Variants in ANO4 observed in about 807,000 individuals in gnomAD.
ANO4 encodes anoctamin-4.
Under a neutral mutation model 141.9 loss-of-function variants are expected in ANO4, and 69 were observed. The observed-to-expected ratio is 0.49, with a 90% CI of 0.40 to 0.59. ANO4 has a LOEUF of 0.59. ANO4 is among the 20% of genes least tolerant of loss of function. The pLI is 0.00. For synonymous variants in ANO4, 350 were observed against 394.3 expected (o/e 0.89, Z 1.33); for missense variants, 894 against 1,162.2 (o/e 0.77, Z 3.36).
intron 1 of ANO4, among the ~76,000 whole-genome samples, chr12:100,862,208 G>A (rs1292540817): frequency 2.0e-5 from 3 of 152,086 alleles, no homozygotes; most frequent in Non-Finnish European, 4.4e-5. Flanking sequence ...GGAACTATAG[G>A]CATGTGCCAC....
rs553776959 is a variant in ANO4, at chr12:100,824,037, AT to A, written c.-141+29015del. The stretch of plus-strand genomic sequence containing the variant: ...TAATCCCTTCTAATGTTGCTTGAGC[AT>A]TTTTCTGGATATGAGTGGGCAGATG... On this transcript the variant is annotated intron_variant, in intron 1 of 27. Coordinates refer to ENST00000392977, the MANE Select transcript of ANO4 (RefSeq NM_001286615.2). Among the ~76,000 whole-genome samples, 872 of 152,160 alleles carry A rather than the reference AT, an allele frequency of 5.7e-3. 9 individuals are homozygous for A. The highest frequency in any genetic ancestry group is 0.01 in the Non-Finnish European group (690 of 67,958).
chr12:101,068,607 A>T, intron 14 of ANO4: 2 of 1,421,242 alleles, frequency 1.4e-6, no homozygotes, highest in Admixed American at 3.4e-5. Context: ...GTGCTGATGC[A>T]GTCCTTTTTA....
chr12:100,765,829 A>G (rs894919127), intron 3 of ANO4, among the ~76,000 whole-genome samples: 15 of 151,620 alleles, frequency 9.9e-5, no homozygotes, highest in African/African-American at 2.4e-4. Context: ...GAAGGATTAA[A>G]TCAAGCTAAT....
intron 1 of ANO4, among the ~76,000 whole-genome samples, chr12:100,895,497 T>G (rs2040304645): frequency 6.6e-6 from 1 of 151,934 alleles, no homozygotes; most frequent in Admixed American, 6.5e-5. Context: ...AATTTTCACT[T>G]TTTCGGTAGG....
At chr12:101,035,733 T>G (rs776792253) in intron 9 of ANO4, among the ~76,000 whole-genome samples, 29 of 152,164 alleles carry the variant, frequency 1.9e-4, no homozygotes, top group Non-Finnish European at 3.4e-4. Flanking sequence ...GCCATTATCC[T>G]AGGTGAATTA....
intron 3 of ANO4, among the ~76,000 whole-genome samples, chr12:100,785,399 C>G (rs1361316385): frequency 6.6e-6 from 1 of 152,184 alleles, no homozygotes; most frequent in African/African-American, 2.4e-5. Flanking sequence ...TCTGCCTGTT[C>G]ATCCCTCCTT....
At chr12:100,771,112 T>C (rs1388057231) in intron 3 of ANO4, among the ~76,000 whole-genome samples, 1 of 152,174 alleles carries the variant, frequency 6.6e-6, no homozygotes, top group Non-Finnish European at 1.5e-5. Context: ...ACTGTCATAT[T>C]GAAGAGGAAC....
In ANO4 at chr12:101,096,542, C is replaced by G. The variant is rs759528727; in HGVS notation, c.1745C>G (p.Pro582Arg). 9 of 1,613,206 alleles carry G rather than the reference C, an allele frequency of 5.6e-6. No individual in the cohort carries two copies. Among genetic ancestry groups the G allele is most frequent in the Non-Finnish European group, 7.6e-6 (9 of 1,179,344 alleles). ...VALLLTNLEQ[P>R]RTESEWENSF... is the part of the protein sequence containing the mutation. ...GCTCACCTTTTGTCCACAGAACAGC[C>G]TCGCACAGAGTCTGAGTGGGAGAAC... Residue 582 changes from proline (P) to arginine (R), a missense_variant, in exon 19 of 28, where the codon CCT (proline) becomes CGT (arginine). Pro to Arg is a moderately radical substitution (Grantham distance 103). Transcript: ENST00000392977.
At chr12:101,098,750 A>G (rs2050079402) in intron 21 of ANO4, among the ~76,000 whole-genome samples, 1 of 152,240 alleles carries the variant, frequency 6.6e-6, no homozygotes, top group Non-Finnish European at 1.5e-5. Flanking sequence ...CACAATTAAA[A>G]TGTCATAGAC....
chr12:100,839,200 T>C (rs918810352), intron 1 of ANO4, among the ~76,000 whole-genome samples: 2 of 152,180 alleles, frequency 1.3e-5, no homozygotes, highest in East Asian at 1.9e-4. Context: ...TTGCTTTTGA[T>C]TGTGGATTTG....
rs115228092 is a variant in ANO4, at chr12:100,949,626, C to A, written c.456+7091C>A. On this transcript the variant is annotated intron_variant, in intron 5 of 27. Coordinates refer to ENST00000392977, the MANE Select transcript of ANO4 (RefSeq NM_001286615.2). ...CAAGGTAAACTTTAAGAAAAATTTT[C>A]ATCCAGTTTACAAATTCTTTATAAC... 6.3e-3 allele frequency among the ~76,000 whole-genome samples: 965 copies of A among 152,276 alleles called. 12 individuals are homozygous for A. The highest frequency in any genetic ancestry group is 0.022 in the African/African-American group (916 of 41,550).
At chr12:100,999,946 G>A (rs2045566903) in intron 8 of ANO4, among the ~76,000 whole-genome samples, 2 of 151,382 alleles carry the variant, frequency 1.3e-5, no homozygotes, top group African/African-American at 4.9e-5. Context: ...CTACTCAGGA[G>A]GATGAGGCAG....
At chr12:101,061,459 A>G (rs1338655495) in intron 14 of ANO4, among the ~76,000 whole-genome samples, 1 of 152,092 alleles carries the variant, frequency 6.6e-6, no homozygotes, top group East Asian at 1.9e-4. Context: ...TCTCCTGGAT[A>G]ATATCCTGAA....
intron 10 of ANO4, among the ~76,000 whole-genome samples, 187 bp from the exon 11 acceptor site, chr12:101,039,768 A>C (rs754159150): frequency 1.3e-5 from 2 of 152,198 alleles, no homozygotes; most frequent in Admixed American, 1.3e-4. Context: ...ATTTTACTAG[A>C]TATCAGCAGT....
At chr12:100,813,636 A>T (rs2035571902) in intron 1 of ANO4, among the ~76,000 whole-genome samples, 1 of 152,170 alleles carries the variant, frequency 6.6e-6, no homozygotes. Context: ...CTACATTGGG[A>T]TAAAACTCTG....
intron 8 of ANO4, among the ~76,000 whole-genome samples, chr12:101,015,228 C>T (rs2046266614): frequency 6.6e-6 from 1 of 152,170 alleles, no homozygotes; most frequent in Admixed American, 6.5e-5. Flanking sequence ...CCACCCAGTT[C>T]TCCCCAGAGG....
At chr12:100,876,049 T>A (rs1355082110) in intron 1 of ANO4, among the ~76,000 whole-genome samples, 1 of 152,126 alleles carries the variant, frequency 6.6e-6, no homozygotes, top group African/African-American at 2.4e-5. Context: ...CATGGAAAGG[T>A]CCCATACTTG....
chr12:100,906,658 C>G (rs2040857171), intron 2 of ANO4, among the ~76,000 whole-genome samples: 1 of 152,072 alleles, frequency 6.6e-6, no homozygotes, highest in South Asian at 2.1e-4. Flanking sequence ...AATGATAAGC[C>G]AGGCATTAAC....
At chr12:101,013,319 G>A (rs775362698) in intron 8 of ANO4, among the ~76,000 whole-genome samples, 3 of 151,870 alleles carry the variant, frequency 2.0e-5, no homozygotes, top group Non-Finnish European at 2.9e-5. Flanking sequence ...GTCTCACTTT[G>A]TGACTATCTA....
Sources: gnomAD v4.1 joint callset for allele counts (sites outside exome capture counted in the v4.1 genomes callset) on GRCh38, gnomAD v4.1.1 for gene constraint, MANE v1.5 for transcripts, NCBI Gene and HGNC (gene_info 2026-07-23, HGNC 2026-07-21) for gene names.